ALKBH5: variants seen among roughly 807,000 people sequenced by gnomAD.
The protein encoded by ALKBH5 is alkB homolog 5, RNA demethylase.
ALKBH5 carries 2 observed loss-of-function variants against 32.1 expected under a neutral mutation model. That is an observed-to-expected ratio of 0.06 (90% CI 0.03 to 0.20). The LOEUF is 0.20. Among genes scored for constraint, ALKBH5 ranks in the 10% least tolerant of loss-of-function variants. The pLI is 1.00. For missense variants in ALKBH5, 352 were observed against 559.5 expected (o/e 0.63, Z 3.74); for synonymous variants, 300 against 231.7 (o/e 1.29, Z -2.68).
chr17:18,201,779 A>G (rs55695121), intron 2 of ALKBH5, among the ~76,000 whole-genome samples: 1,174 of 110,612 alleles, frequency 0.011, 16 homozygotes, highest in African/African-American at 0.026. Flanking sequence ...AGATAGATAG[A>G]TAGATAGGAT....
intron 1 of ALKBH5, among the ~76,000 whole-genome samples, chr17:18,190,285 C>G (rs1016301955): frequency 6.6e-6 from 1 of 152,204 alleles, no homozygotes; most frequent in Non-Finnish European, 1.5e-5. Context: ...TGCGGTGGCT[C>G]ATGCCTGTAA....
intron 1 of ALKBH5, among the ~76,000 whole-genome samples, chr17:18,189,606 A>G (rs933835787): frequency 6.6e-6 from 1 of 152,198 alleles, no homozygotes; most frequent in African/African-American, 2.4e-5. Flanking sequence ...CCGCCTCCAC[A>G]ACAAAATCCA....
chr17:18,192,765 A>T (rs1223150934), intron 1 of ALKBH5, among the ~76,000 whole-genome samples: 1 of 151,546 alleles, frequency 6.6e-6, no homozygotes, highest in Non-Finnish European at 1.5e-5. Flanking sequence ...AGTAATTCTC[A>T]TGTGCTTTAA....
chr17:18,201,526 G>A (rs2047236052), intron 2 of ALKBH5, among the ~76,000 whole-genome samples: 1 of 152,200 alleles, frequency 6.6e-6, no homozygotes, highest in Admixed American at 6.5e-5. Context: ...GGGAAGCCGA[G>A]GTGGGCGGAT....
chr17:18,191,810 A>G (rs1027376834), intron 1 of ALKBH5, among the ~76,000 whole-genome samples: 1 of 152,124 alleles, frequency 6.6e-6, no homozygotes, highest in African/African-American at 2.4e-5. Flanking sequence ...TTCACTAAAC[A>G]TACAAAAATT....
chr17:18,207,222 T>C (rs559648183), intron 3 of ALKBH5, among the ~76,000 whole-genome samples: 2 of 152,228 alleles, frequency 1.3e-5, no homozygotes, highest in African/African-American at 4.8e-5. Flanking sequence ...CCCATGACTT[T>C]CCTTGTTCAG....
chr17:18,186,406 A>G (rs557160509), intron 1 of ALKBH5, among the ~76,000 whole-genome samples: 1 of 152,296 alleles, frequency 6.6e-6, no homozygotes, highest in Non-Finnish European at 1.5e-5. Flanking sequence ...GTCTGACCCC[A>G]TTGACGGGTT....
At chr17:18,197,503 C>G (rs2047211107) in intron 2 of ALKBH5, among the ~76,000 whole-genome samples, 2 of 152,192 alleles carry the variant, frequency 1.3e-5, no homozygotes, top group African/African-American at 4.8e-5. Flanking sequence ...GCAGTAACTT[C>G]CCAAGAGTTC....
chr17:18,192,180 C>G (rs1234565822), intron 1 of ALKBH5, among the ~76,000 whole-genome samples: 2 of 151,892 alleles, frequency 1.3e-5, no homozygotes, highest in East Asian at 3.9e-4. Flanking sequence ...GATGCTGAAT[C>G]CAGGGCTCTG....
chr17:18,184,228 C>T lies in ALKBH5; in HGVS notation c.-16C>T. The T allele has an allele frequency of 1.5e-5, 23 of 1,500,746 alleles. No individual in the cohort carries two copies. Among genetic ancestry groups the T allele is most frequent in the Admixed American group, 2.3e-5 (1 of 42,744 alleles). The allele number at this position is 1,500,746 out of a possible 1,614,324, so 93.0% of individuals were successfully genotyped here. A position where few individuals can be genotyped will look rare whatever the true frequency, so the allele number is the denominator to read the frequency against. On this transcript the variant is annotated 5_prime_UTR_variant, in exon 1 of 4. Transcript: ENST00000399138. ...CCGCCCGCCCCGGAGGACCCTAGAG[C>T]AGCGTCGTGGGGGCCATGGCGGCCG...
In ALKBH5 at chr17:18,209,551, G is replaced by C. The variant is rs564666870; in HGVS notation, c.*1155G>C. On this transcript the variant is annotated 3_prime_UTR_variant, in exon 4 of 4. Coordinates refer to ENST00000399138, the MANE Select transcript of ALKBH5 (RefSeq NM_017758.4). ...ATAAGGAAAAAAAGGTAAAGTCTTT[G>C]GTAGCTTCTATCCACTCAGATCCTG... is the stretch of plus-strand genomic sequence containing the variant. 6.6e-6 allele frequency: 1 copy of C among 152,332 alleles called. No individual in the cohort carries two copies. The highest frequency in any genetic ancestry group is 6.5e-5 in the Admixed American group (1 of 15,286). The allele number at this position is 152,332 out of a possible 1,614,324, so 9.4% of individuals were successfully genotyped here. A position where few individuals can be genotyped will look rare whatever the true frequency, so the allele number is the denominator to read the frequency against.
In ALKBH5 at chr17:18,195,012, C is replaced by A. The variant is rs1383184938; in HGVS notation, c.828C>A (p.Arg276=). 6.2e-7 allele frequency: 1 copy of A among 1,613,688 alleles called. No homozygotes were observed. ...HCIRPQDIKE[R]RAVIILRKTR... is the part of the protein sequence containing the mutation. The stretch of plus-strand genomic sequence containing the variant: ...TACGGCCTCAGGACATCAAGGAGCG[C>A]CGAGCAGTCATCATCCTCAGGAAGT... Residue 276 remains arginine, a synonymous_variant, in exon 2 of 4, where the codon CGC becomes CGA. Coordinates refer to ENST00000399138, the MANE Select transcript of ALKBH5 (RefSeq NM_017758.4).
rs921904314 is a variant in ALKBH5 at position 18,208,538 on chromosome 17, G to A, written c.*142G>A. Reference sequence around the variant, plus strand: ...TTTTGATTCTATATATTTTTCCTTGGTTTTGTTGCCTGTTAGGGCTGAAGA... The same window carrying A: ...TTTTGATTCTATATATTTTTCCTTGATTTTGTTGCCTGTTAGGGCTGAAGA... On this transcript the variant is annotated 3_prime_UTR_variant, in exon 4 of 4. Transcript: ENST00000399138. 8 of 1,022,430 alleles carry A rather than the reference G, an allele frequency of 7.8e-6. No individual in the cohort carries two copies. The highest frequency in any genetic ancestry group is 1.2e-5 in the Non-Finnish European group (8 of 683,372). 63.3% of individuals were successfully genotyped at this position (1,022,430 alleles called of 1,614,324 possible).
At chr17:18,194,607 G>A (rs998989961) in intron 1 of ALKBH5, among the ~76,000 whole-genome samples, 1 of 152,160 alleles carries the variant, frequency 6.6e-6, no homozygotes, top group African/African-American at 2.4e-5. Context: ...TTCTCTACCT[G>A]CTAAATGGAG....
intron 2 of ALKBH5, among the ~76,000 whole-genome samples, chr17:18,202,166 G>A (rs899617296): frequency 4.6e-5 from 7 of 152,050 alleles, no homozygotes; most frequent in Admixed American, 1.3e-4. Flanking sequence ...AAAATCAGCC[G>A]GGCATGGTGG....
Position 18,208,795 on chromosome 17 carries a change from A to C in ALKBH5, c.*399A>C. ...CAGTGTAAATCTTCGCAGTGTTCTAAACAAAGTTCAGTCTTCTGCTCGCCC... is the reference window on the plus strand; with the variant it reads ...CAGTGTAAATCTTCGCAGTGTTCTACACAAAGTTCAGTCTTCTGCTCGCCC... On this transcript the variant is annotated 3_prime_UTR_variant, in exon 4 of 4. Transcript: ENST00000399138. 3.1e-6 allele frequency: 1 copy of C among 326,344 alleles called. No individual in the cohort carries two copies. Among genetic ancestry groups the C allele is most frequent in the Non-Finnish European group, 5.9e-6 (1 of 170,078 alleles). The allele number at this position is 326,344 out of a possible 1,614,324, so 20.2% of individuals were successfully genotyped here.
chr17:18,201,785 A>AGATAGATAGATAGATG (rs1486085379), intron 2 of ALKBH5, among the ~76,000 whole-genome samples: 19 of 107,770 alleles, frequency 1.8e-4, no homozygotes, highest in African/African-American at 5.8e-4. Flanking sequence ...ATAGATAGAT[A>AGATAGATAGATAGATG]GGATAGATAA....
intron 1 of ALKBH5, among the ~76,000 whole-genome samples, chr17:18,187,807 G>A (rs2047148528): frequency 6.6e-6 from 1 of 152,218 alleles, no homozygotes; most frequent in South Asian, 2.1e-4. Flanking sequence ...CAGATTGGAA[G>A]GGAGGGGCTG....
intron 2 of ALKBH5, among the ~76,000 whole-genome samples, chr17:18,200,181 C>T (rs1249524120): frequency 6.6e-6 from 1 of 151,110 alleles, no homozygotes; most frequent in Non-Finnish European, 1.5e-5. Flanking sequence ...GTAGATCTGG[C>T]CCCTGAGCTA....
Sources: gnomAD v4.1 joint callset for allele counts (sites outside exome capture counted in the v4.1 genomes callset) on GRCh38, gnomAD v4.1.1 for gene constraint, MANE v1.5 for transcripts, NCBI Gene and HGNC (gene_info 2026-07-23, HGNC 2026-07-21) for gene names.